Variants in NECAB2 observed in about 807,000 individuals in gnomAD.
NECAB2 encodes N-terminal EF-hand calcium-binding protein 2.
A neutral mutation model predicts 51.9 loss-of-function variants in NECAB2; 68 were observed. That is an observed-to-expected ratio of 1.31 (90% CI 1.08 to 1.60). The LOEUF (loss-of-function observed/expected upper bound fraction) is 1.60. Among genes scored for constraint, NECAB2 ranks in the 40% most tolerant of loss-of-function variants. NECAB2 has a pLI of 0.00. For missense variants in NECAB2, 854 were observed against 490.3 expected (o/e 1.74, Z -7.00); for synonymous variants, 329 against 203.5 (o/e 1.62, Z -5.25).
chr16:83,988,987 C>G (rs948604682), intron 5 of NECAB2, among the ~76,000 whole-genome samples: 1 of 152,168 alleles, frequency 6.6e-6, no homozygotes, highest in Non-Finnish European at 1.5e-5. Flanking sequence ...CGGAAAATAA[C>G]TTGTCTTCTT....
chr16:83,965,632 C>G (rs955107140), upstream of NECAB2: 1 of 1,613,176 alleles, frequency 6.2e-7, no homozygotes, highest in African/African-American at 1.3e-5. Flanking sequence ...TGTCGCCCAG[C>G]CCCTATGAGG....
At chr16:83,983,426 C>T (rs986727898) in intron 5 of NECAB2, among the ~76,000 whole-genome samples, 1 of 152,176 alleles carries the variant, frequency 6.6e-6, no homozygotes, top group African/African-American at 2.4e-5. Context: ...TCGAGTGCAT[C>T]TCTAGTACTT....
Position 84,002,429 on chromosome 16 carries a change from T to C in NECAB2, c.*83T>C, listed in dbSNP as rs559732181. On this transcript the variant is annotated 3_prime_UTR_variant, in exon 13 of 13. Transcript: ENST00000305202. ...CCCGTTTTTTTCTAGACAGACACTTTGGTGCAGAAGCTTCTTTTCAATCCA... is the reference window on the plus strand; with the variant it reads ...CCCGTTTTTTTCTAGACAGACACTTCGGTGCAGAAGCTTCTTTTCAATCCA... 13 of 1,513,002 alleles carry C rather than the reference T, an allele frequency of 8.6e-6. No individual in the cohort carries two copies. The African/African-American group carries it at 1.7e-4, about 19-fold the overall frequency. 93.7% of individuals were successfully genotyped at this position (1,513,002 alleles called of 1,614,324 possible).
Position 84,002,377 on chromosome 16 carries a change from C to G in NECAB2, c.*31C>G, listed in dbSNP as rs775315693. On this transcript the variant is annotated 3_prime_UTR_variant, in exon 13 of 13. Transcript: ENST00000305202. ...TCCCAGAGGCCCGTGGAGGAGCCCACCAGCCCCTTCTTCTTGTGAAGGAAA... is the reference window on the plus strand; with the variant it reads ...TCCCAGAGGCCCGTGGAGGAGCCCAGCAGCCCCTTCTTCTTGTGAAGGAAA... 17 of 1,609,384 alleles carry G rather than the reference C, an allele frequency of 1.1e-5. No individual in the cohort carries two copies. The East Asian group carries it at 3.1e-4, about 30-fold the overall frequency.
chr16:83,966,905 C>T (rs1027459282), upstream of NECAB2, among the ~76,000 whole-genome samples: 1 of 152,008 alleles, frequency 6.6e-6, no homozygotes, highest in Non-Finnish European at 1.5e-5. Flanking sequence ...GAGACAGAGT[C>T]TCATTTTGTC....
intron 10 of NECAB2, among the ~76,000 whole-genome samples, chr16:84,000,343 A>C (rs918774786): frequency 1.5e-5 from 2 of 131,938 alleles, no homozygotes; most frequent in Non-Finnish European, 3.0e-5. Context: ...CAGCATGGGG[A>C]ACATAGCAAG....
intron 2 of NECAB2, 21 bp from the exon 3 acceptor site, chr16:83,978,423 T>C: frequency 6.2e-7 from 1 of 1,605,950 alleles, no homozygotes; most frequent in African/African-American, 1.3e-5. Context: ...CCAGCTCCTT[T>C]CTCTGCTTCC....
At chr16:83,995,371 G>C (rs1007685472) in intron 8 of NECAB2, among the ~76,000 whole-genome samples, 1 of 150,272 alleles carries the variant, frequency 6.7e-6, no homozygotes, top group Non-Finnish European at 1.5e-5. Context: ...CTGAGGCTTA[G>C]ATTCCTCCTC....
At chr16:83,999,350 A>C (rs905380530) in intron 10 of NECAB2, among the ~76,000 whole-genome samples, 1 of 152,182 alleles carries the variant, frequency 6.6e-6, no homozygotes, top group Non-Finnish European at 1.5e-5. Flanking sequence ...CATTACGTGA[A>C]TAAGTGGGAG....
chr16:83,975,771 A>G (rs1034006923), intron 2 of NECAB2, among the ~76,000 whole-genome samples: 2 of 152,132 alleles, frequency 1.3e-5, no homozygotes, highest in African/African-American at 2.4e-5. Context: ...TGGCATTTGA[A>G]AGGTCATGGA....
upstream of NECAB2, chr16:83,965,953 C>A: frequency 1.2e-6 from 2 of 1,609,922 alleles, no homozygotes. Flanking sequence ...TGCAGGGGGG[C>A]GCCTTGGCTG....
chr16:83,966,851 G>A (rs1158975441), upstream of NECAB2, among the ~76,000 whole-genome samples: 1 of 152,194 alleles, frequency 6.6e-6, no homozygotes, highest in East Asian at 1.9e-4. Flanking sequence ...CATGGTCTAA[G>A]GTGCTACCTT....
upstream of NECAB2, chr16:83,965,468 G>A (rs758061302): frequency 1.1e-5 from 17 of 1,604,128 alleles, no homozygotes; most frequent in East Asian, 6.7e-5. Context: ...GTCAGCGGCC[G>A]ACGCGGTCCT....
intron 10 of NECAB2, among the ~76,000 whole-genome samples, chr16:83,999,595 C>T (rs570276353): frequency 9.9e-5 from 15 of 152,230 alleles, no homozygotes; most frequent in Admixed American, 8.5e-4. Flanking sequence ...CTTTTGGCCC[C>T]CGCTTTATGG....
upstream of NECAB2, among the ~76,000 whole-genome samples, chr16:83,967,618 GA>G: frequency 7.4e-6 from 1 of 134,272 alleles, no homozygotes; most frequent in Non-Finnish European, 1.6e-5. Context: ...ATGGATGGAT[GA>G]GAGGGTAGGG....
chr16:83,984,220 C>G (rs2084523874), intron 5 of NECAB2, among the ~76,000 whole-genome samples: 2 of 151,770 alleles, frequency 1.3e-5, no homozygotes, highest in East Asian at 3.9e-4. Flanking sequence ...TGGTCTCCAT[C>G]TCCTGACCTC....
chr16:83,980,593 G>C (rs1290974972), intron 3 of NECAB2, among the ~76,000 whole-genome samples: 1 of 152,260 alleles, frequency 6.6e-6, no homozygotes, highest in South Asian at 2.1e-4. Context: ...ATTTATTCAT[G>C]ATGGGGTCAG....
intron 5 of NECAB2, among the ~76,000 whole-genome samples, chr16:83,981,546 T>G (rs942300325): frequency 6.6e-6 from 1 of 152,156 alleles, no homozygotes; most frequent in Non-Finnish European, 1.5e-5. Flanking sequence ...GCTCAGCACC[T>G]GGTTTAATCC....
chr16:83,990,895 C>A (rs748078586), intron 6 of NECAB2, among the ~76,000 whole-genome samples: 2 of 152,090 alleles, frequency 1.3e-5, no homozygotes, highest in Non-Finnish European at 2.9e-5. Context: ...GTGAAGACAC[C>A]ATTTCCCAGA....
Sources: gnomAD v4.1 joint callset for allele counts (sites outside exome capture counted in the v4.1 genomes callset) on GRCh38, gnomAD v4.1.1 for gene constraint, MANE v1.5 for transcripts, NCBI Gene and HGNC (gene_info 2026-07-23, HGNC 2026-07-21) for gene names.